MAGI2: variants seen among roughly 807,000 people sequenced by gnomAD.
MAGI2 encodes membrane-associated guanylate kinase, WW and PDZ domain-containing protein 2.
Under a neutral mutation model 133.3 loss-of-function variants are expected in MAGI2, and 35 were observed. The ratio of observed to expected loss-of-function variants is 0.26; its 90% CI spans 0.20 to 0.35. MAGI2 has a LOEUF of 0.35. Among genes scored for constraint, MAGI2 ranks in the 10% least tolerant of loss-of-function variants. MAGI2 has a pLI of 1.00. For missense variants in MAGI2, 1,636 were observed against 1,863.4 expected, an observed-to-expected ratio of 0.88 and a Z score of 2.25; for synonymous variants, 729 against 710.6, an observed-to-expected ratio of 1.03 and a Z score of -0.41.
chr7:78,948,396 C>T (rs941506453), intron 2 of MAGI2, among the ~76,000 whole-genome samples: 5 of 151,826 alleles, frequency 3.3e-5, no homozygotes, highest in Non-Finnish European at 7.4e-5. Context: ...TTTCAGATAG[C>T]TTTTCAGATT....
chr7:78,449,738 G>A (rs980930673), intron 6 of MAGI2, among the ~76,000 whole-genome samples: 2 of 152,060 alleles, frequency 1.3e-5, no homozygotes, highest in African/African-American at 4.8e-5. Flanking sequence ...CAATGAGGGG[G>A]CTCATTTGCT....
intron 9 of MAGI2, among the ~76,000 whole-genome samples, chr7:78,266,584 C>CTT (rs34162021): frequency 6.8e-6 from 1 of 146,448 alleles, no homozygotes; most frequent in South Asian, 2.2e-4. Context: ...GAAAAAATCC[C>CTT]TTTTTTTTTT....
chr7:79,286,951 A>G (rs1043227096), intron 1 of MAGI2, among the ~76,000 whole-genome samples: 1 of 152,126 alleles, frequency 6.6e-6, no homozygotes, highest in Non-Finnish European at 1.5e-5. Flanking sequence ...CATCATCCAA[A>G]TAACAGGTAT....
chr7:79,267,279 C>T (rs1366854529), intron 1 of MAGI2, among the ~76,000 whole-genome samples: 2 of 152,226 alleles, frequency 1.3e-5, no homozygotes, highest in Admixed American at 1.3e-4. Context: ...GACTTTACTG[C>T]ACTGGGTAAG....
chr7:79,059,739 A>G (rs1349560160), intron 1 of MAGI2, among the ~76,000 whole-genome samples: 3 of 152,136 alleles, frequency 2.0e-5, no homozygotes, highest in Non-Finnish European at 4.4e-5. Flanking sequence ...AAACTTCATA[A>G]ATAAAATGTA....
At chr7:79,302,851 C>T (rs555165188) in intron 1 of MAGI2, among the ~76,000 whole-genome samples, 2 of 152,274 alleles carry the variant, frequency 1.3e-5, no homozygotes, top group Admixed American at 1.3e-4. Flanking sequence ...CACATTGCAA[C>T]TGAAGAATGT....
intron 2 of MAGI2, among the ~76,000 whole-genome samples, chr7:78,804,748 C>CAAAAAAAAAAAAAAAAAAAAAA (rs373472835): frequency 2.0e-4 from 20 of 97,712 alleles, no homozygotes; most frequent in African/African-American, 8.5e-4. Context: ...GACTCTGTCT[C>CAAAAAAAAAAAAAAAAAAAAAA]AAAAAAAAAA....
At chr7:79,393,686 T>C (rs1200209966) in intron 1 of MAGI2, among the ~76,000 whole-genome samples, 2 of 152,214 alleles carry the variant, frequency 1.3e-5, no homozygotes, top group Non-Finnish European at 2.9e-5. Flanking sequence ...TATTACTTGT[T>C]TCATATCAAT....
intron 1 of MAGI2, among the ~76,000 whole-genome samples, chr7:79,066,359 A>G (rs536673528): frequency 2.0e-5 from 3 of 151,964 alleles, no homozygotes; most frequent in African/African-American, 7.2e-5. Flanking sequence ...GACTGCATAA[A>G]TGTCTTCTTT....
At chr7:78,925,548 T>C (rs1248680760) in intron 2 of MAGI2, among the ~76,000 whole-genome samples, 1 of 152,020 alleles carries the variant, frequency 6.6e-6, no homozygotes, top group Non-Finnish European at 1.5e-5. Flanking sequence ...GTCAAAACCA[T>C]ATGCATGCTA....
intron 1 of MAGI2, among the ~76,000 whole-genome samples, chr7:79,034,059 T>C (rs2116840943): frequency 6.6e-6 from 1 of 152,302 alleles, no homozygotes; most frequent in South Asian, 2.1e-4. Flanking sequence ...AGACACACTA[T>C]CCTAGTTCCT....
chr7:79,446,877 G>C (rs545871592), intron 1 of MAGI2, among the ~76,000 whole-genome samples: 1 of 152,092 alleles, frequency 6.6e-6, no homozygotes, highest in East Asian at 1.9e-4. Context: ...GCGTGAACCC[G>C]GGAGGCGGAG....
intron 1 of MAGI2, among the ~76,000 whole-genome samples, chr7:79,351,398 C>T (rs1841681807): frequency 6.6e-6 from 1 of 152,140 alleles, no homozygotes; most frequent in Non-Finnish European, 1.5e-5. Flanking sequence ...TGTACCAACA[C>T]AGTGATTCCA....
chr7:79,374,093 C>G (rs1391586806), intron 1 of MAGI2, among the ~76,000 whole-genome samples: 1 of 151,898 alleles, frequency 6.6e-6, no homozygotes, highest in Non-Finnish European at 1.5e-5. Flanking sequence ...ACAAACACAC[C>G]TACATACCAA....
At chr7:78,524,160 A>G (rs1330801445) in intron 3 of MAGI2, among the ~76,000 whole-genome samples, 2 of 152,098 alleles carry the variant, frequency 1.3e-5, no homozygotes, top group African/African-American at 4.8e-5. Flanking sequence ...CTTTGATTTC[A>G]GTAGAGGGAG....
At chr7:79,320,056 G>A (rs968501488) in intron 1 of MAGI2, among the ~76,000 whole-genome samples, 2 of 151,952 alleles carry the variant, frequency 1.3e-5, no homozygotes, top group Non-Finnish European at 2.9e-5. Context: ...GAAATTCAGT[G>A]GTATGTCTTG....
At chr7:79,074,153 C>A (rs1191733627) in intron 1 of MAGI2, among the ~76,000 whole-genome samples, 1 of 152,120 alleles carries the variant, frequency 6.6e-6, no homozygotes, top group Non-Finnish European at 1.5e-5. Context: ...CTTGTTGCCA[C>A]CTTATCATAC....
At chr7:78,104,158 G>A (rs1818446679) in intron 20 of MAGI2, among the ~76,000 whole-genome samples, 1 of 152,152 alleles carries the variant, frequency 6.6e-6, no homozygotes, top group South Asian at 2.1e-4. Flanking sequence ...CCTGTTCCCT[G>A]GCTGTGCTTG....
At chr7:78,061,709 T>G (rs1813291331) in intron 21 of MAGI2, among the ~76,000 whole-genome samples, 2 of 151,976 alleles carry the variant, frequency 1.3e-5, no homozygotes, top group African/African-American at 4.8e-5. Context: ...GGTGGAACCA[T>G]GAGAGCAAGA....
Sources: allele counts gnomAD v4.1 joint callset (sites outside exome capture counted in the v4.1 genomes callset), GRCh38; gene constraint gnomAD v4.1.1; transcripts MANE v1.5; gene names NCBI Gene and HGNC (gene_info 2026-07-23, HGNC 2026-07-21).